PLXNC1: variants seen among roughly 807,000 people sequenced by gnomAD.
The protein encoded by PLXNC1 is plexin-C1.
In PLXNC1, 75 loss-of-function variants were observed where a neutral mutation model predicts 178.2. The observed-to-expected ratio is 0.42, with a 90% CI of 0.35 to 0.51. The LOEUF is 0.51. Among genes scored for constraint, PLXNC1 ranks in the 20% least tolerant of loss-of-function variants. The probability of loss-of-function intolerance (pLI) is 0.02; values close to 1 mark genes in which losing one functional copy is unlikely to be tolerated. For missense variants in PLXNC1, 1,503 were observed against 1,984.4 expected (o/e 0.76, Z 4.61); for synonymous variants, 790 against 779.9 (o/e 1.01, Z -0.22).
Position 94,181,536 on chromosome 12 carries a change from G to C in PLXNC1, c.1294G>C (p.Asp432His). 1.2e-6 allele frequency: 2 copies of C among 1,608,878 alleles called. No individual in the cohort carries two copies. Among genetic ancestry groups the C allele is most frequent in the Non-Finnish European group, 8.5e-7 (1 of 1,175,488 alleles). The change falls in exon 3 of 31, where the codon GAT becomes CAT. Residue 432 changes from aspartate (D) to histidine (H), a missense_variant. Asp to His is a moderately conservative substitution (Grantham distance 81). Coordinates refer to ENST00000258526, the MANE Select transcript of PLXNC1 (RefSeq NM_005761.3). ...ETPVFYKLVP[D>H]PVKNIYIYLT... Reference sequence around the variant, plus strand: ...ACCTGTTTTCTACAAACTCGTTCCTGATCCTGTGAAGAATATCTACATTTA... The same window carrying C: ...ACCTGTTTTCTACAAACTCGTTCCTCATCCTGTGAAGAATATCTACATTTA...
chr12:94,210,824 T>C (rs1225762229), intron 5 of PLXNC1, among the ~76,000 whole-genome samples: 1 of 152,144 alleles, frequency 6.6e-6, no homozygotes, highest in Non-Finnish European at 1.5e-5. Context: ...AGTGAATAGA[T>C]TTGGTGGAAA....
intron 14 of PLXNC1, among the ~76,000 whole-genome samples, chr12:94,249,749 C>T (rs889603996): frequency 6.6e-6 from 1 of 152,138 alleles, no homozygotes; most frequent in African/African-American, 2.4e-5. Flanking sequence ...CAAATGCTAA[C>T]ATTCTTCATC....
intron 28 of PLXNC1, among the ~76,000 whole-genome samples, chr12:94,302,757 T>C (rs1033170914): frequency 9.9e-5 from 15 of 152,234 alleles, no homozygotes; most frequent in Non-Finnish European, 2.9e-5. Flanking sequence ...CAACTACTGC[T>C]GCTAATTATT....
In PLXNC1 at chr12:94,247,165, G is replaced by A. The variant is rs113260547; in HGVS notation, c.2389-738G>A. ...GGGCTCACGTAACCCTCCTCCCTCC[G>A]TTTCCCACAGCGCTGGGATTACAGG... On this transcript the variant is annotated intron_variant, in intron 12 of 30. Coordinates refer to ENST00000258526, the MANE Select transcript of PLXNC1 (RefSeq NM_005761.3). 6.3e-3 allele frequency among the ~76,000 whole-genome samples: 964 copies of A among 151,968 alleles called. 17 individuals carry two copies. The highest frequency in any genetic ancestry group is 0.022 in the African/African-American group (931 of 41,454).
At position 94,265,077 on chromosome 12, in the gene PLXNC1, AGGAGACTGTC is replaced by A; in HGVS notation, c.3455_3464del (p.Thr1152SerfsTer7). The A allele has an allele frequency of 6.2e-7, 1 of 1,614,002 alleles. No homozygotes were observed. Among genetic ancestry groups the A allele is most frequent in the South Asian group, 1.1e-5 (1 of 91,084 alleles). Reference sequence around the variant, plus strand: ...AACTGTCACTTTTGTGTCTTTTCCAAGGAGACTGTCGGAGAGCCCTTCTATTTGCTGGTGA... The same window carrying A: ...AACTGTCACTTTTGTGTCTTTTCCAAGGAGAGCCCTTCTATTTGCTGGTGA... On this transcript the variant is annotated splice_acceptor_variant and coding_sequence_variant, in exon 21 of 31. Transcript: ENST00000258526. LOFTEE classifies it high-confidence loss of function.
chr12:94,262,573 C>T, intron 20 of PLXNC1: 1 of 985,402 alleles, frequency 1.0e-6, no homozygotes, highest in Non-Finnish European at 1.2e-6. Context: ...GGGGGCGGCT[C>T]GGCTCGCCAG....
chr12:94,259,354 C>T lies in PLXNC1; in HGVS notation c.3105C>T (p.His1035=), dbSNP rs780575441. 79 of 1,595,582 alleles carry T rather than the reference C, an allele frequency of 5.0e-5. No homozygotes were observed. Among genetic ancestry groups the T allele is most frequent in the Non-Finnish European group, 6.6e-5 (78 of 1,174,106 alleles). ...TFFPESGGFT[H]IFTEDMHNRD... ...CCTCTCAGTCAGGTGGCTTCACCCA[C>T]ATCTTCACTGAAGATATGCATGTAA... The change falls in exon 18 of 31, where the codon CAC becomes CAT. Residue 1035 remains histidine (H), a synonymous_variant. Transcript: ENST00000258526.
At chr12:94,168,030 A>T (rs1191798170) in intron 1 of PLXNC1, 1 of 152,228 alleles carries the variant, frequency 6.6e-6, no homozygotes, top group African/African-American at 2.4e-5. Context: ...TGAATATTTA[A>T]TAAGACATAA....
intron 3 of PLXNC1, among the ~76,000 whole-genome samples, chr12:94,181,813 T>C (rs1962317428): frequency 6.6e-6 from 1 of 152,162 alleles, no homozygotes; most frequent in Admixed American, 6.5e-5. Context: ...ATATTTCCAG[T>C]GCCAAGTTTT....
intron 9 of PLXNC1, among the ~76,000 whole-genome samples, chr12:94,228,389 GGTTT>G (rs71774901): frequency 0.34 from 51,448 of 151,532 alleles, 8,828 homozygotes; most frequent in East Asian, 0.42. Flanking sequence ...GTTGTTCCAG[GGTTT>G]GTTTGTTTGT....
chr12:94,218,467 T>C (rs1217505445), intron 5 of PLXNC1, among the ~76,000 whole-genome samples: 1 of 152,098 alleles, frequency 6.6e-6, no homozygotes, highest in Non-Finnish European at 1.5e-5. Flanking sequence ...TGGCTCTTCA[T>C]AGGGGGTGAT....
At chr12:94,182,859 G>C (rs11107430) in intron 3 of PLXNC1, among the ~76,000 whole-genome samples, 17,468 of 144,014 alleles carry the variant, frequency 0.12, 1,091 homozygotes, top group African/African-American at 0.16. Context: ...AAGAATATCT[G>C]TATCTATCTA....
chr12:94,265,693 A>G (rs1565839489), intron 21 of PLXNC1, among the ~76,000 whole-genome samples: 1 of 152,220 alleles, frequency 6.6e-6, no homozygotes, highest in Non-Finnish European at 1.5e-5. Flanking sequence ...CTTTATTTTC[A>G]TGGATTAGTT....
chr12:94,259,495 A>G, intron 18 of PLXNC1, 115 bp from the exon 19 acceptor site: 3 of 1,159,212 alleles, frequency 2.6e-6, no homozygotes, highest in South Asian at 3.1e-5. Flanking sequence ...TTTTTGGATC[A>G]TGAATTCAAT....
intron 1 of PLXNC1, among the ~76,000 whole-genome samples, chr12:94,162,418 T>C (rs1304061817): frequency 6.6e-6 from 1 of 152,124 alleles, no homozygotes; most frequent in Admixed American, 6.5e-5. Flanking sequence ...TCATCAGGGA[T>C]CAGCTCAGGG....
At position 94,253,822 on chromosome 12, in the gene PLXNC1, C is replaced by T. The variant is rs558943906; in HGVS notation, c.2882-965C>T. On this transcript the variant is annotated intron_variant, in intron 15 of 30. Coordinates refer to ENST00000258526, the MANE Select transcript of PLXNC1 (RefSeq NM_005761.3). ...CCAAGTAGCTGGGACTCCAGGCATG[C>T]ACCATCGCACCCATCTAATTTTCTA... 1.2e-3 allele frequency among the ~76,000 whole-genome samples: 181 copies of T among 152,112 alleles called. 1 individual carries two copies. Among genetic ancestry groups the T allele is most frequent in the African/African-American group, 4.2e-3 (175 of 41,482 alleles).
In PLXNC1 at chr12:94,294,440, T is replaced by C. The variant is rs200918185; in HGVS notation, c.3880-46T>C. 5.4e-5 allele frequency: 43 copies of C among 799,436 alleles called. No individual in the cohort carries two copies. In the Admixed American group the frequency reaches 9.2e-4, roughly 17 times the overall value. 49.5% of individuals were successfully genotyped at this position (799,436 alleles called of 1,614,324 possible). ...CTAATTCCTGGGTGAAGTTGAGAAATCCATTAAATTTTGAACACTCATATA... is the reference window on the plus strand; with the variant it reads ...CTAATTCCTGGGTGAAGTTGAGAAACCCATTAAATTTTGAACACTCATATA... On this transcript the variant is annotated intron_variant, in intron 23 of 30. Transcript: ENST00000258526.
chr12:94,267,677 A>G (rs61708525), intron 21 of PLXNC1, among the ~76,000 whole-genome samples: 46,098 of 152,104 alleles, frequency 0.3, 7,252 homozygotes, highest in African/African-American at 0.37. Context: ...CATGGTTGGC[A>G]GTTGTACGAG....
chr12:94,279,499 C>A lies in PLXNC1; in HGVS notation c.3625C>A (p.Pro1209Thr). 2 of 1,613,396 alleles carry A rather than the reference C, an allele frequency of 1.2e-6. No individual in the cohort carries two copies. Among genetic ancestry groups the A allele is most frequent in the Non-Finnish European group, 1.7e-6 (2 of 1,179,464 alleles). ...VALNVVFEKI[P>T]ENESADVCRN... ...ATTAAACGTCGTCTTTGAAAAAATC[C>A]CGGAAAACGAGAGTGCAGATGTCTG... is the stretch of plus-strand genomic sequence containing the variant. Residue 1209 changes from proline to threonine, a missense_variant, in exon 22 of 31, where the codon CCG becomes ACG. By Grantham distance (38) the Pro-to-Thr change is conservative. Coordinates refer to ENST00000258526, the MANE Select transcript of PLXNC1 (RefSeq NM_005761.3).
Sources: gnomAD v4.1 joint callset for allele counts (sites outside exome capture counted in the v4.1 genomes callset) on GRCh38, gnomAD v4.1.1 for gene constraint, MANE v1.5 for transcripts, NCBI Gene and HGNC (gene_info 2026-07-23, HGNC 2026-07-21) for gene names.